NUDT5: variants seen among roughly 807,000 people sequenced by gnomAD.
NUDT5 encodes the protein ADP-sugar pyrophosphatase.
NUDT5 carries 21 observed loss-of-function variants against 34.1 expected under a neutral mutation model. That is an observed-to-expected ratio of 0.62 (90% CI 0.44 to 0.89). The LOEUF (loss-of-function observed/expected upper bound fraction) is 0.89. NUDT5 is among the 40% of genes least tolerant of loss of function. The pLI is 0.00. For synonymous variants in NUDT5, 85 were observed against 97.6 expected, an observed-to-expected ratio of 0.87 and a Z score of 0.76; for missense variants, 249 against 274.8, an observed-to-expected ratio of 0.91 and a Z score of 0.66.
chr10:12,172,104 A>G (rs1343104710), intron 7 of NUDT5, among the ~76,000 whole-genome samples: 1 of 152,194 alleles, frequency 6.6e-6, no homozygotes, highest in Admixed American at 6.5e-5. Flanking sequence ...AAGTTAAAGA[A>G]TATCACTGAT....
In NUDT5 at chr10:12,187,283, C is replaced by T. The variant is rs73581324; in HGVS notation, c.-41-951G>A. Among the ~76,000 whole-genome samples, 1 of 152,052 alleles carries T rather than the reference C, an allele frequency of 6.6e-6. No individual in the cohort carries two copies. The highest frequency in any genetic ancestry group is 2.4e-5 in the African/African-American group (1 of 41,372). The stretch of plus-strand genomic sequence containing the variant: ...TCCCGGGCTCAAGCGATCCTCCTCC[C>T]GCCTCGGTGTCCCAAAGTGCTGGGA... On this transcript the variant is annotated intron_variant, in intron 1 of 9. Coordinates refer to ENST00000491614, the MANE Select transcript of NUDT5 (RefSeq NM_014142.4). This position sits in a 1 kb window ranked among gnomAD's most constrained non-coding sequence, Gnocchi z 5.4.
chr10:12,177,286 A>G (rs1233923949), intron 5 of NUDT5, among the ~76,000 whole-genome samples: 2 of 152,162 alleles, frequency 1.3e-5, no homozygotes, highest in Admixed American at 6.5e-5. Context: ...TTGCGAGGCC[A>G]AGGCAGGCAG....
intron 1 of NUDT5, among the ~76,000 whole-genome samples, chr10:12,194,255 C>T (rs1056318280): frequency 2.0e-5 from 3 of 152,242 alleles, no homozygotes; most frequent in Non-Finnish European, 4.4e-5. Context: ...CTCTTCCGTA[C>T]ATTCATTCCT....
chr10:12,190,314 T>G (rs1193799621), intron 1 of NUDT5, among the ~76,000 whole-genome samples: 1 of 152,252 alleles, frequency 6.6e-6, no homozygotes, highest in Non-Finnish European at 1.5e-5. Context: ...GGATGTGTAA[T>G]TCTCCAGAGC....
chr10:12,173,720 G>C lies in NUDT5; in HGVS notation c.383C>G (p.Pro128Arg), dbSNP rs140969634. The C allele has an allele frequency of 4.3e-6, 7 of 1,610,966 alleles. No homozygotes were observed. The highest frequency in any genetic ancestry group is 5.1e-6 in the Non-Finnish European group (6 of 1,177,324). Residue 128 changes from proline to arginine, a missense_variant and splice_region_variant, in exon 6 of 10, where the codon CCA (proline) becomes CGA (arginine). Pro to Arg is a moderately radical substitution (Grantham distance 103). Transcript: ENST00000491614. The surrounding 1 kb of genome is among the most constrained non-coding windows in gnomAD (Gnocchi z 4.7). ...GTGAATTTTCAAGCAATACCAACCTGGAGAACATTCGGCAATGTCCCCTTT... is the reference window on the plus strand; with the variant it reads ...GTGAATTTTCAAGCAATACCAACCTCGAGAACATTCGGCAATGTCCCCTTT... ...GYKGDIAECS[P>R]AVCMDPGLSN...
intron 1 of NUDT5, among the ~76,000 whole-genome samples, chr10:12,194,136 G>T (rs1034983503): frequency 1.3e-5 from 2 of 152,208 alleles, no homozygotes; most frequent in African/African-American, 4.8e-5. Flanking sequence ...CGGCCTCCCA[G>T]AGTGCTGGGA....
In NUDT5 at chr10:12,174,437, T is replaced by C. The variant is rs531557356; in HGVS notation, c.290-624A>G. Reference sequence around the variant, plus strand: ...ACACACCACCATGCTCGGCTAATTTTTGTATTTGTAGTAGAGGCTAATTTG... The same window carrying C: ...ACACACCACCATGCTCGGCTAATTTCTGTATTTGTAGTAGAGGCTAATTTG... On this transcript the variant is annotated intron_variant, in intron 5 of 9. Transcript: ENST00000491614. 4.3e-4 allele frequency among the ~76,000 whole-genome samples: 65 copies of C among 152,018 alleles called. No individual in the cohort carries two copies. The South Asian group carries it at 0.011, about 27-fold the overall frequency.
chr10:12,188,074 G>A (rs943521796), intron 1 of NUDT5, among the ~76,000 whole-genome samples: 8 of 150,070 alleles, frequency 5.3e-5, no homozygotes, highest in Non-Finnish European at 4.5e-5. Context: ...AGGAGTTGGG[G>A]GTTGCAGAGA....
At chr10:12,188,269 C>G (rs1835160170) in intron 1 of NUDT5, among the ~76,000 whole-genome samples, 1 of 152,208 alleles carries the variant, frequency 6.6e-6, no homozygotes, top group South Asian at 2.1e-4. Context: ...ATCTGATCTT[C>G]AATTTGTCCC....
intron 2 of NUDT5, 75 bp downstream of exon 2, chr10:12,186,154 A>G (rs1835123468): frequency 8.9e-7 from 1 of 1,125,176 alleles, no homozygotes; most frequent in Non-Finnish European, 1.3e-6. Context: ...CCACCATTGT[A>G]ACAACAGTCT....
In NUDT5 at chr10:12,173,076, T is replaced by G. The variant is rs1004858048; in HGVS notation, c.386-210A>C. On this transcript the variant is annotated intron_variant, in intron 6 of 9. Coordinates refer to ENST00000491614, the MANE Select transcript of NUDT5 (RefSeq NM_014142.4). This position sits in a 1 kb window ranked among gnomAD's most constrained non-coding sequence, Gnocchi z 4.7. Reference sequence around the variant, plus strand: ...GCTCTCGAGTCAAGCTTGCTAGGTCTGCGGGGTTAGATGGTACTGTCAAGT... The same window carrying G: ...GCTCTCGAGTCAAGCTTGCTAGGTCGGCGGGGTTAGATGGTACTGTCAAGT... Among the ~76,000 whole-genome samples, 13 of 152,232 alleles carry G rather than the reference T, an allele frequency of 8.5e-5. No homozygotes were observed. Among genetic ancestry groups the G allele is most frequent in the Non-Finnish European group, 1.6e-4 (11 of 68,042 alleles).
chr10:12,172,400 A>T (rs1834873586), intron 7 of NUDT5: 1 of 250,862 alleles, frequency 4.0e-6, no homozygotes, highest in Non-Finnish European at 7.9e-6. Context: ...AGCTGGGACT[A>T]CAGGGGAACT....
In NUDT5 at chr10:12,170,289, G is replaced by C; in HGVS notation, c.550+428C>G. The C allele has an allele frequency of 1.7e-6, 2 of 1,173,530 alleles. No homozygotes were observed. Among genetic ancestry groups the C allele is most frequent in the Non-Finnish European group, 1.3e-6 (1 of 797,152 alleles). 72.7% of individuals were successfully genotyped at this position (1,173,530 alleles called of 1,614,324 possible). A position where few individuals can be genotyped will look rare whatever the true frequency, so the allele number is the denominator to read the frequency against. ...TATACAGGAAATACCTCAAGTATTT[G>C]TTGAAGGAGCATCATCAATTTCTCC... On this transcript the variant is annotated intron_variant, in intron 9 of 9. Coordinates refer to ENST00000491614, the MANE Select transcript of NUDT5 (RefSeq NM_014142.4). The surrounding 1 kb of genome is among the most constrained non-coding windows in gnomAD (Gnocchi z 4.9).
In NUDT5 at chr10:12,166,585, T is replaced by C. The variant is rs1014414453; in HGVS notation, c.*1117A>G. On this transcript the variant is annotated 3_prime_UTR_variant, in exon 10 of 10. Coordinates refer to ENST00000491614, the MANE Select transcript of NUDT5 (RefSeq NM_014142.4). ...CTGCAGCATTCTGGCATTAGCACTC[T>C]GATTTTATCTGGAGAGCCCTTTCAT... The C allele has an allele frequency of 8.7e-6, 3 of 343,314 alleles. No homozygotes were observed. The highest frequency in any genetic ancestry group is 6.5e-5 in the African/African-American group (3 of 46,120). The allele number at this position is 343,314 out of a possible 1,614,324, so 21.3% of individuals were successfully genotyped here.
At position 12,169,975 on chromosome 10, in the gene NUDT5, T is replaced by C. The variant is rs1834818253; in HGVS notation, c.550+742A>G. The C allele has an allele frequency of 2.8e-6, 2 of 706,998 alleles. No individual in the cohort carries two copies. Among genetic ancestry groups the C allele is most frequent in the African/African-American group, 1.8e-5 (1 of 56,570 alleles). 43.8% of individuals were successfully genotyped at this position (706,998 alleles called of 1,614,324 possible). The stretch of plus-strand genomic sequence containing the variant: ...CCATGATGACAAGTGTCTGCTTCTT[T>C]CTAGATGAGTGAAAGGGATTTGCCA... On this transcript the variant is annotated intron_variant, in intron 9 of 9. Coordinates refer to ENST00000491614, the MANE Select transcript of NUDT5 (RefSeq NM_014142.4). The surrounding 1 kb of genome is among the most constrained non-coding windows in gnomAD (Gnocchi z 4.8).
chr10:12,194,326 G>A (rs546026399), intron 1 of NUDT5, among the ~76,000 whole-genome samples: 4 of 152,232 alleles, frequency 2.6e-5, no homozygotes, highest in African/African-American at 9.6e-5. Context: ...ATCTCCTTCC[G>A]CGCAATTTTT....
At chr10:12,194,039 G>A (rs1336228542) in intron 1 of NUDT5, among the ~76,000 whole-genome samples, 2 of 152,186 alleles carry the variant, frequency 1.3e-5, no homozygotes, top group East Asian at 1.9e-4. Context: ...AACACGCCCG[G>A]CTAATTTTTG....
In NUDT5 at chr10:12,172,661, T is replaced by A. The variant is rs190985830; in HGVS notation, c.487+104A>T. ...GATGAAGTCTATTTGAAAGACCGAT[T>A]CTTTCCATGAAAGACTACATTCTTT... is the stretch of plus-strand genomic sequence containing the variant. On this transcript the variant is annotated intron_variant, in intron 7 of 9. Coordinates refer to ENST00000491614, the MANE Select transcript of NUDT5 (RefSeq NM_014142.4). 101 of 735,272 alleles carry A rather than the reference T, an allele frequency of 1.4e-4. 2 individuals carry two copies. The African/African-American group carries it at 1.6e-3, about 12-fold the overall frequency. 45.5% of individuals were successfully genotyped at this position (735,272 alleles called of 1,614,324 possible).
At position 12,182,146 on chromosome 10, in the gene NUDT5, A is replaced by G. The variant is rs1835053201; in HGVS notation, c.131+2743T>C. Among the ~76,000 whole-genome samples the G allele has an allele frequency of 6.6e-6, 1 of 151,916 alleles. No individual in the cohort carries two copies. On this transcript the variant is annotated intron_variant, in intron 3 of 9. Transcript: ENST00000491614. This position sits in a 1 kb window ranked among gnomAD's most constrained non-coding sequence, Gnocchi z 4.3. The stretch of plus-strand genomic sequence containing the variant: ...TCTGTCTCAGGGTAAAAAAAAAAAA[A>G]AAGAAGGATATAGCTGAGCTGAAGG...
Sources: gnomAD v4.1 joint callset for allele counts (sites outside exome capture counted in the v4.1 genomes callset) on GRCh38, gnomAD v4.1.1 for gene constraint, Gnocchi (gnomAD v3.1) non-coding constraint, MANE v1.5 for transcripts, NCBI Gene and HGNC (gene_info 2026-07-23, HGNC 2026-07-21) for gene names.